The following KCNQ3 variants were observed in gnomAD, a reference collection of about 807,000 sequenced individuals.
KCNQ3 encodes potassium voltage-gated channel subfamily Q member 3.
Under a neutral mutation model 92.5 loss-of-function variants are expected in KCNQ3, and 30 were observed. The observed-to-expected ratio is 0.32, with a 90% CI of 0.24 to 0.44. The LOEUF (loss-of-function observed/expected upper bound fraction) is 0.44, where lower values mean the gene tolerates loss of function less well. Among genes scored for constraint, KCNQ3 ranks in the 20% least tolerant of loss-of-function variants. KCNQ3 has a pLI of 1.00. For missense variants in KCNQ3, 913 were observed against 1,140.3 expected, an observed-to-expected ratio of 0.80 and a Z score of 2.87; for synonymous variants, 450 against 468.8, an observed-to-expected ratio of 0.96 and a Z score of 0.52.
chr8:132,310,292 C>T (rs1336107418), intron 1 of KCNQ3, among the ~76,000 whole-genome samples: 1 of 152,172 alleles, frequency 6.6e-6, no homozygotes, highest in Non-Finnish European at 1.5e-5. Context: ...AATAGCTGTG[C>T]AACCTCGGGT....
intron 1 of KCNQ3, among the ~76,000 whole-genome samples, chr8:132,196,632 T>C (rs1827304577): frequency 1.3e-5 from 2 of 152,222 alleles, no homozygotes; most frequent in South Asian, 4.1e-4. Context: ...ATTTACTCAC[T>C]GTAGGAGCTT....
chr8:132,347,234 G>A (rs1818715833), intron 1 of KCNQ3, among the ~76,000 whole-genome samples: 1 of 152,150 alleles, frequency 6.6e-6, no homozygotes, highest in Non-Finnish European at 1.5e-5. Flanking sequence ...CTTTGCCAAT[G>A]GAATTCCTGC....
At chr8:132,399,570 T>C (rs1422306188) in intron 1 of KCNQ3, among the ~76,000 whole-genome samples, 1 of 152,096 alleles carries the variant, frequency 6.6e-6, no homozygotes, top group African/African-American at 2.4e-5. Context: ...CCTTACATTG[T>C]CCAAAATTCC....
intron 1 of KCNQ3, among the ~76,000 whole-genome samples, chr8:132,279,392 C>T (rs1027085760): frequency 3.3e-5 from 5 of 152,144 alleles, no homozygotes; most frequent in African/African-American, 1.2e-4. Flanking sequence ...CTCTGCTAAA[C>T]AACACATGGT....
chr8:132,477,136 G>A (rs945075518), intron 1 of KCNQ3, among the ~76,000 whole-genome samples: 4 of 151,792 alleles, frequency 2.6e-5, no homozygotes, highest in Admixed American at 1.3e-4. Flanking sequence ...TCCCACCTCC[G>A]CCAGCCACGC....
intron 9 of KCNQ3, among the ~76,000 whole-genome samples, chr8:132,151,355 T>C (rs548186088): frequency 4.6e-5 from 7 of 152,356 alleles, no homozygotes; most frequent in African/African-American, 1.7e-4. Flanking sequence ...AATAAAAGGT[T>C]AGAAAAAGGC....
At chr8:132,472,283 C>T (rs1822316392) in intron 1 of KCNQ3, among the ~76,000 whole-genome samples, 1 of 152,152 alleles carries the variant, frequency 6.6e-6, no homozygotes, top group Admixed American at 6.5e-5. Flanking sequence ...GAAAAGAAAT[C>T]AATGTATCGA....
intron 1 of KCNQ3, among the ~76,000 whole-genome samples, chr8:132,446,208 T>C (rs1821671405): frequency 6.6e-6 from 1 of 152,218 alleles, no homozygotes; most frequent in Non-Finnish European, 1.5e-5. Flanking sequence ...ACAACATGCC[T>C]CAGCCTGGAT....
intron 1 of KCNQ3, among the ~76,000 whole-genome samples, chr8:132,232,941 T>C (rs1814689479): frequency 6.6e-6 from 1 of 152,240 alleles, no homozygotes; most frequent in African/African-American, 2.4e-5. Context: ...GTTTTTATGA[T>C]GATGAGGCAA....
At chr8:132,462,526 T>C (rs757321159) in intron 1 of KCNQ3, among the ~76,000 whole-genome samples, 3 of 152,234 alleles carry the variant, frequency 2.0e-5, no homozygotes, top group African/African-American at 7.2e-5. Flanking sequence ...TTTTAAGTTA[T>C]ATGAATTATA....
intron 1 of KCNQ3, among the ~76,000 whole-genome samples, chr8:132,430,926 A>G (rs1345139044): frequency 6.6e-6 from 1 of 152,126 alleles, no homozygotes; most frequent in East Asian, 1.9e-4. Flanking sequence ...CTGTTCCTCA[A>G]GCGTCCATAT....
In KCNQ3 at chr8:132,126,212, A is replaced by T. The variant is rs1824660598; in HGVS notation, c.*3050T>A. ...CTGAAACGATTGCAATTTCTTGGGC[A>T]AGTTTCAGAACGACTAGTATATCTG... On this transcript the variant is annotated 3_prime_UTR_variant, in exon 15 of 15. Coordinates refer to ENST00000388996, the MANE Select transcript of KCNQ3 (RefSeq NM_004519.4). 1 of 152,224 alleles carries T rather than the reference A, an allele frequency of 6.6e-6. No individual in the cohort carries two copies. The highest frequency in any genetic ancestry group is 1.5e-5 in the Non-Finnish European group (1 of 68,044). The allele number at this position is 152,224 out of a possible 1,614,324, so 9.4% of individuals were successfully genotyped here. A position where few individuals can be genotyped will look rare whatever the true frequency, so the allele number is the denominator to read the frequency against.
rs959792718 is a variant in KCNQ3 at position 132,127,013 on chromosome 8, G to C, written c.*2249C>G. 6.6e-6 allele frequency: 1 copy of C among 152,206 alleles called. No homozygotes were observed. The highest frequency in any genetic ancestry group is 2.4e-5 in the African/African-American group (1 of 41,452). The allele number at this position is 152,206 out of a possible 1,614,324, so 9.4% of individuals were successfully genotyped here. On this transcript the variant is annotated 3_prime_UTR_variant, in exon 15 of 15. Transcript: ENST00000388996. ...TACATAAAGAAGAGCATAGTAACAT[G>C]TTGGATGTTAGGCAGGTGATCATCT...
intron 1 of KCNQ3, among the ~76,000 whole-genome samples, chr8:132,192,489 G>A (rs1328720528): frequency 6.6e-6 from 1 of 152,176 alleles, no homozygotes; most frequent in African/African-American, 2.4e-5. Context: ...CTTGACGTGA[G>A]AGCCGCCCCC....
chr8:132,255,026 T>A (rs868512765), intron 1 of KCNQ3, among the ~76,000 whole-genome samples: 1 of 152,198 alleles, frequency 6.6e-6, no homozygotes, highest in African/African-American at 2.4e-5. Flanking sequence ...TGACTGTTTT[T>A]TTTTCTTTTT....
chr8:132,123,399 T>G lies in KCNQ3; in HGVS notation c.*5863A>C, dbSNP rs559965642. On this transcript the variant is annotated 3_prime_UTR_variant, in exon 15 of 15. Coordinates refer to ENST00000388996, the MANE Select transcript of KCNQ3 (RefSeq NM_004519.4). ...CAGCAGTGGTTTTTGCTAGGCCTTT[T>G]GAAGACAGCAGGAATCTGGGAGAAG... is the stretch of plus-strand genomic sequence containing the variant. 6.6e-6 allele frequency: 1 copy of G among 152,328 alleles called. No individual in the cohort carries two copies. The highest frequency in any genetic ancestry group is 1.9e-4 in the East Asian group (1 of 5,162). 9.4% of individuals were successfully genotyped at this position (152,328 alleles called of 1,614,324 possible). A position where few individuals can be genotyped will look rare whatever the true frequency, so the allele number is the denominator to read the frequency against.
intron 1 of KCNQ3, among the ~76,000 whole-genome samples, chr8:132,272,492 T>A (rs1041565404): frequency 6.6e-6 from 1 of 152,210 alleles, no homozygotes; most frequent in African/African-American, 2.4e-5. Flanking sequence ...TCCATTTTCA[T>A]GCTGTTGATA....
At chr8:132,158,043 G>C (rs543387868) in intron 9 of KCNQ3, among the ~76,000 whole-genome samples, 2 of 152,260 alleles carry the variant, frequency 1.3e-5, no homozygotes, top group Admixed American at 1.3e-4. Flanking sequence ...GGAAAACTGA[G>C]ACTAAGTCTT....
At chr8:132,167,469 T>C (rs764228302) in intron 8 of KCNQ3, among the ~76,000 whole-genome samples, 2 of 152,150 alleles carry the variant, frequency 1.3e-5, no homozygotes, top group African/African-American at 2.4e-5. Flanking sequence ...CTCAAGAAAG[T>C]TGTTATTAAA....
Sources: gnomAD v4.1 joint callset for allele counts (sites outside exome capture counted in the v4.1 genomes callset) on GRCh38, gnomAD v4.1.1 for gene constraint, MANE v1.5 for transcripts, NCBI Gene and HGNC (gene_info 2026-07-23, HGNC 2026-07-21) for gene names.